Variants in MAF observed in about 807,000 individuals in gnomAD.
MAF encodes the protein MAF bZIP transcription factor, also known as transcription factor Maf.
A neutral mutation model predicts 22.0 loss-of-function variants in MAF; 10 were observed. The observed-to-expected ratio is 0.45, with a 90% CI of 0.28 to 0.77. MAF has a LOEUF of 0.77. MAF is among the 30% of genes least tolerant of loss of function. The probability of loss-of-function intolerance (pLI) is 0.12; values close to 1 mark genes in which losing one functional copy is unlikely to be tolerated. For synonymous variants in MAF, 337 were observed against 255.8 expected, an observed-to-expected ratio of 1.32 and a Z score of -3.03; for missense variants, 544 against 548.4, an observed-to-expected ratio of 0.99 and a Z score of 0.08.
At chr16:79,442,504 T>C in the MAF span, among the ~76,000 whole-genome samples, 1 of 152,152 alleles carries the variant, frequency 6.6e-6, no homozygotes, top group Admixed American at 6.5e-5. Context: ...CCCAAAATGC[T>C]AGTATTACAG....
At chr16:79,340,570 T>G in the MAF span, among the ~76,000 whole-genome samples, 1 of 151,752 alleles carries the variant, frequency 6.6e-6, no homozygotes, top group South Asian at 2.1e-4. Context: ...CTGTTGGCAT[T>G]TGGGATCAGA....
At chr16:79,487,275 A>G in the MAF span, among the ~76,000 whole-genome samples, 2 of 151,726 alleles carry the variant, frequency 1.3e-5, no homozygotes, top group Non-Finnish European at 2.9e-5. Context: ...AAACTAATCT[A>G]TGATGATAAT....
At chr16:79,339,025 T>G in the MAF span, among the ~76,000 whole-genome samples, 3 of 152,164 alleles carry the variant, frequency 2.0e-5, no homozygotes, top group Non-Finnish European at 4.4e-5. Context: ...GTGTATTACT[T>G]CTGGGTCAAG....
At chr16:79,521,434 C>G in the MAF span, among the ~76,000 whole-genome samples, 2 of 152,202 alleles carry the variant, frequency 1.3e-5, no homozygotes, top group East Asian at 3.8e-4. Context: ...AAAGTTCGCA[C>G]TCAGCATTCA....
the MAF span, among the ~76,000 whole-genome samples, chr16:79,555,064 T>C: frequency 9.2e-5 from 14 of 152,250 alleles, no homozygotes; most frequent in Non-Finnish European, 1.5e-4. Context: ...GCAGATACAC[T>C]TCCTCCCTGC....
chr16:79,533,328 C>T, the MAF span, among the ~76,000 whole-genome samples: 1 of 152,264 alleles, frequency 6.6e-6, no homozygotes, highest in East Asian at 1.9e-4. Flanking sequence ...GAAGAGGTTT[C>T]CACCCACCCC....
chr16:79,436,615 T>C, the MAF span, among the ~76,000 whole-genome samples: 1 of 152,230 alleles, frequency 6.6e-6, no homozygotes, highest in Non-Finnish European at 1.5e-5. Flanking sequence ...TAACTCACTT[T>C]TCTGGGTTTC....
the MAF span, among the ~76,000 whole-genome samples, chr16:79,575,099 C>T: frequency 1.3e-4 from 19 of 151,610 alleles, no homozygotes; most frequent in South Asian, 4.2e-4. Flanking sequence ...GTCTGAGGCA[C>T]GGCATCAATG....
chr16:79,369,475 G>A, the MAF span, among the ~76,000 whole-genome samples: 6 of 152,214 alleles, frequency 3.9e-5, no homozygotes, highest in African/African-American at 1.2e-4. Flanking sequence ...TTGAGGACAG[G>A]AGGATCCTCT....
the MAF span, among the ~76,000 whole-genome samples, chr16:79,378,851 GA>G: frequency 6.6e-6 from 1 of 152,098 alleles, no homozygotes; most frequent in Admixed American, 6.6e-5. Flanking sequence ...TTTCTTACAA[GA>G]AATTTCCTGA....
the MAF span, among the ~76,000 whole-genome samples, chr16:79,301,577 AT>A: frequency 2.7e-5 from 4 of 150,336 alleles, no homozygotes; most frequent in East Asian, 6.0e-4. Flanking sequence ...ATATATTTTA[AT>A]TTTTTACATT....
the MAF span, among the ~76,000 whole-genome samples, chr16:79,227,567 C>T: frequency 6.6e-6 from 1 of 151,918 alleles, no homozygotes; most frequent in South Asian, 2.1e-4. Context: ...TCCTATTAAC[C>T]TTGAACATTC....
At chr16:79,273,636 G>C in the MAF span, among the ~76,000 whole-genome samples, 1 of 152,116 alleles carries the variant, frequency 6.6e-6, no homozygotes, top group Non-Finnish European at 1.5e-5. Flanking sequence ...TGTCTTCAAA[G>C]CCAGCAATGG....
the MAF span, among the ~76,000 whole-genome samples, chr16:79,397,606 G>C: frequency 6.6e-6 from 1 of 152,174 alleles, no homozygotes; most frequent in Admixed American, 6.5e-5. Flanking sequence ...TAACCGGCTG[G>C]TTGCATAGAT....
At chr16:79,359,555 G>C in the MAF span, among the ~76,000 whole-genome samples, 3 of 152,208 alleles carry the variant, frequency 2.0e-5, no homozygotes, top group Non-Finnish European at 4.4e-5. Flanking sequence ...GAGGGACAAA[G>C]CCAGCCCCAA....
At chr16:79,542,556 A>G in the MAF span, among the ~76,000 whole-genome samples, 60 of 152,308 alleles carry the variant, frequency 3.9e-4, no homozygotes, top group African/African-American at 1.3e-3. Flanking sequence ...AGGGAAAGAA[A>G]GAGGGAACTG....
the MAF span, among the ~76,000 whole-genome samples, chr16:79,559,736 T>C: frequency 1.3e-5 from 2 of 152,200 alleles, no homozygotes; most frequent in African/African-American, 4.8e-5. Flanking sequence ...ATGCTGATGA[T>C]GCTATATTTC....
chr16:79,232,861 G>A, the MAF span, among the ~76,000 whole-genome samples: 3 of 118,828 alleles, frequency 2.5e-5, no homozygotes, highest in Admixed American at 9.8e-5. Flanking sequence ...TTTTTTTTGA[G>A]ACAGAGTCTC....
chr16:79,543,496 G>A, the MAF span, among the ~76,000 whole-genome samples: 2 of 152,268 alleles, frequency 1.3e-5, no homozygotes, highest in Admixed American at 6.5e-5. Context: ...TCTCAAGATG[G>A]CGGGCAGTCC....
Sources: allele counts gnomAD v4.1 joint callset (sites outside exome capture counted in the v4.1 genomes callset), GRCh38; gene constraint gnomAD v4.1.1; transcripts MANE v1.5; gene names NCBI Gene and HGNC (gene_info 2026-07-23, HGNC 2026-07-21).